Variants in OPCML observed in about 807,000 individuals in gnomAD.
OPCML encodes the protein opioid binding protein/cell adhesion molecule like, also known as opioid-binding protein/cell adhesion molecule.
Under a neutral mutation model 37.8 loss-of-function variants are expected in OPCML, and 13 were observed. The ratio of observed to expected loss-of-function variants is 0.34; its 90% CI spans 0.22 to 0.55. The LOEUF (loss-of-function observed/expected upper bound fraction) is 0.55. OPCML is among the 20% of genes least tolerant of loss of function. OPCML has a pLI of 0.91. For missense variants in OPCML, 341 were observed against 435.6 expected (o/e 0.78, Z 1.93); for synonymous variants, 176 against 168.8 (o/e 1.04, Z -0.33).
intron 1 of OPCML, among the ~76,000 whole-genome samples, chr11:133,368,674 C>T (rs1944607203): frequency 6.6e-6 from 1 of 152,164 alleles, no homozygotes; most frequent in Non-Finnish European, 1.5e-5. Flanking sequence ...CATAAATATC[C>T]TATTTCTATC....
At chr11:133,019,504 A>G (rs986433214) in intron 1 of OPCML, among the ~76,000 whole-genome samples, 4 of 152,220 alleles carry the variant, frequency 2.6e-5, no homozygotes, top group African/African-American at 7.2e-5. Context: ...AAAGACCACA[A>G]TCAATTATCA....
intron 3 of OPCML, among the ~76,000 whole-genome samples, chr11:132,553,402 T>C (rs1240578231): frequency 6.6e-6 from 1 of 152,022 alleles, no homozygotes; most frequent in Non-Finnish European, 1.5e-5. Flanking sequence ...TACAAAAGAT[T>C]AGAAAAAGAA....
intron 1 of OPCML, among the ~76,000 whole-genome samples, chr11:133,077,685 A>G (rs1313989227): frequency 6.6e-6 from 1 of 152,222 alleles, no homozygotes; most frequent in Non-Finnish European, 1.5e-5. Flanking sequence ...GACATTTGCA[A>G]TGCATAAAAA....
chr11:132,753,365 C>T (rs190642698), intron 2 of OPCML, among the ~76,000 whole-genome samples: 31 of 152,208 alleles, frequency 2.0e-4, no homozygotes, highest in Middle Eastern at 3.4e-3. Flanking sequence ...ATGAGAGTTG[C>T]GAAGTCCAAG....
At chr11:132,942,792 A>G in intron 2 of OPCML, 134 bp downstream of exon 2, 2 of 1,139,528 alleles carry the variant, frequency 1.8e-6, no homozygotes, top group Non-Finnish European at 2.5e-6. Context: ...GCAGCACGCA[A>G]GCGGGCGCCC....
At chr11:133,190,323 A>C (rs776852924) in intron 1 of OPCML, among the ~76,000 whole-genome samples, 10 of 152,232 alleles carry the variant, frequency 6.6e-5, no homozygotes, top group Non-Finnish European at 1.0e-4. Context: ...GGACAAAAAA[A>C]GAGGAAGGGA....
intron 3 of OPCML, among the ~76,000 whole-genome samples, chr11:132,614,253 T>C (rs757484109): frequency 3.9e-5 from 6 of 152,154 alleles, no homozygotes; most frequent in Non-Finnish European, 8.8e-5. Flanking sequence ...GGAACACCCA[T>C]CTTCTCCCTG....
At chr11:133,375,956 T>A (rs1944794469) in intron 1 of OPCML, among the ~76,000 whole-genome samples, 1 of 152,180 alleles carries the variant, frequency 6.6e-6, no homozygotes, top group Non-Finnish European at 1.5e-5. Flanking sequence ...GAAGATGATA[T>A]TTTGGTTCAA....
At chr11:132,712,961 G>C (rs913395892) in intron 2 of OPCML, among the ~76,000 whole-genome samples, 1 of 152,202 alleles carries the variant, frequency 6.6e-6, no homozygotes, top group Non-Finnish European at 1.5e-5. Flanking sequence ...GTAGCAGTGG[G>C]CTGCGTTTAC....
intron 1 of OPCML, among the ~76,000 whole-genome samples, chr11:133,120,933 T>A (rs1949410581): frequency 6.6e-6 from 1 of 152,106 alleles, no homozygotes; most frequent in Admixed American, 6.5e-5. Flanking sequence ...TCATATTAAT[T>A]CTTTTTTTAG....
chr11:133,075,229 T>G (rs1395951386), intron 1 of OPCML, among the ~76,000 whole-genome samples: 2 of 152,202 alleles, frequency 1.3e-5, no homozygotes, highest in African/African-American at 4.8e-5. Flanking sequence ...TCAATATTTC[T>G]ATGGCATTGT....
Position 132,436,090 on chromosome 11 carries a change from C to A in OPCML, c.912G>T (p.Leu304Phe), listed in dbSNP as rs2096012065. The A allele has an allele frequency of 8.1e-6, 13 of 1,613,712 alleles. No homozygotes were observed. The highest frequency in any genetic ancestry group is 1.1e-5 in the Non-Finnish European group (13 of 1,179,802). ...ATCCAGGCTTCCAGCACTCACCATA[C>A]AATGTGATGCTGGCATTGGTGTTCC... ...KLGNTNASIT[L>F]YGPGAVIDGV... Residue 304 changes from leucine (L) to phenylalanine (F), a missense_variant, in exon 7 of 8, where the codon TTG (leucine) becomes TTT (phenylalanine). Physicochemically the swap from Leu to Phe is conservative, Grantham distance 22. Transcript: ENST00000524381.
At chr11:133,011,945 G>A (rs80071102) in intron 1 of OPCML, among the ~76,000 whole-genome samples, 2,158 of 152,280 alleles carry the variant, frequency 0.014, 28 homozygotes, top group Non-Finnish European at 0.022. Flanking sequence ...GCCACAGACA[G>A]TTTGTAAACA....
intron 3 of OPCML, among the ~76,000 whole-genome samples, chr11:132,570,783 ATATATATATATATATATATT>A (rs1468961350): frequency 1.2e-4 from 14 of 120,976 alleles, no homozygotes; most frequent in Non-Finnish European, 1.9e-4. Context: ...ATATATATAT[ATATATATATATATATATATT>A]TAGAGAGAGA....
chr11:132,856,188 TCA>T (rs1156976846), intron 2 of OPCML, among the ~76,000 whole-genome samples: 1 of 152,214 alleles, frequency 6.6e-6, no homozygotes, highest in Non-Finnish European at 1.5e-5. Flanking sequence ...AAACTAGTTC[TCA>T]GTTTCAGCAA....
intron 2 of OPCML, among the ~76,000 whole-genome samples, chr11:132,848,023 G>A (rs1403976652): frequency 1.3e-5 from 2 of 152,074 alleles, no homozygotes; most frequent in Non-Finnish European, 2.9e-5. Flanking sequence ...TGTGGACATG[G>A]ACAGTGAAAT....
intron 1 of OPCML, among the ~76,000 whole-genome samples, chr11:133,166,063 GATTC>G (rs1950204387): frequency 6.6e-6 from 1 of 152,118 alleles, no homozygotes; most frequent in Admixed American, 6.5e-5. Flanking sequence ...TCACTCACTG[GATTC>G]ATTAATTGTC....
chr11:133,048,816 A>C (rs1948072764), intron 1 of OPCML, among the ~76,000 whole-genome samples: 1 of 152,134 alleles, frequency 6.6e-6, no homozygotes, highest in Non-Finnish European at 1.5e-5. Context: ...GGCTCTTTGA[A>C]GGTATTTAGG....
At chr11:132,443,393 C>T (rs1188447137) in intron 4 of OPCML, among the ~76,000 whole-genome samples, 1 of 152,182 alleles carries the variant, frequency 6.6e-6, no homozygotes, top group South Asian at 2.1e-4. Context: ...GTCTTTTTGG[C>T]TCACATGGTT....
Sources: allele counts gnomAD v4.1 joint callset (sites outside exome capture counted in the v4.1 genomes callset), GRCh38; gene constraint gnomAD v4.1.1; transcripts MANE v1.5; gene names NCBI Gene and HGNC (gene_info 2026-07-23, HGNC 2026-07-21).